PIKFYVE: variants seen among roughly 807,000 people sequenced by gnomAD.
The protein encoded by PIKFYVE is 1-phosphatidylinositol 3-phosphate 5-kinase.
A neutral mutation model predicts 257.9 loss-of-function variants in PIKFYVE; 122 were observed. The ratio of observed to expected loss-of-function variants is 0.47; its 90% CI spans 0.41 to 0.55. The LOEUF (loss-of-function observed/expected upper bound fraction) is 0.55. Ranked by LOEUF, PIKFYVE falls within the 20% of genes least tolerant of loss-of-function variation. PIKFYVE has a pLI of 0.00. For synonymous variants in PIKFYVE, 892 were observed against 868.9 expected, an observed-to-expected ratio of 1.03 and a Z score of -0.47; for missense variants, 2,160 against 2,536.6, an observed-to-expected ratio of 0.85 and a Z score of 3.19.
intron 1 of PIKFYVE, among the ~76,000 whole-genome samples, chr2:208,270,334 G>A (rs1035788938): frequency 2.0e-5 from 3 of 152,134 alleles, no homozygotes; most frequent in African/African-American, 7.2e-5. Flanking sequence ...GAGCCACCGT[G>A]CCTGGACCAG....
chr2:208,346,323 C>T (rs553650852), intron 34 of PIKFYVE, among the ~76,000 whole-genome samples, 176 bp downstream of exon 34: 3 of 152,084 alleles, frequency 2.0e-5, no homozygotes, highest in South Asian at 4.1e-4. Context: ...TGCTTTTCTT[C>T]GTTGATTCTT....
At chr2:208,349,863 G>A (rs2125802248) in intron 35 of PIKFYVE, among the ~76,000 whole-genome samples, 161 bp from the exon 36 acceptor site, 1 of 152,244 alleles carries the variant, frequency 6.6e-6, no homozygotes, top group Middle Eastern at 3.4e-3. Context: ...CATTTAGACA[G>A]TTTAATTGTA....
At chr2:208,339,162 G>A (rs1374799325) in intron 29 of PIKFYVE, among the ~76,000 whole-genome samples, 1 of 152,154 alleles carries the variant, frequency 6.6e-6, no homozygotes, top group African/African-American at 2.4e-5. Context: ...ATAATGGATA[G>A]CGTGTTGGAT....
intron 3 of PIKFYVE, among the ~76,000 whole-genome samples, chr2:208,275,796 G>A (rs1350811510): frequency 6.6e-6 from 1 of 152,168 alleles, no homozygotes; most frequent in African/African-American, 2.4e-5. Flanking sequence ...TAGGTTATCA[G>A]TTTGATGGGT....
At position 208,276,771 on chromosome 2, in the gene PIKFYVE, C is replaced by T. The variant is rs1690162656; in HGVS notation, c.382C>T (p.Leu128Phe). ...TCATGACCCTCGTACAGCTGTTCAG[C>T]TTCGAAGCCTCAGCACAGTATTAAA... Reference protein sequence around the residue: ...GGHDPRTAVQLRSLSTVLKRL... With the variant: ...GGHDPRTAVQFRSLSTVLKRL... Residue 128 changes from leucine (L) to phenylalanine (F), a missense_variant, in exon 4 of 42, where the codon CTT becomes TTT. By Grantham distance (22) the Leu-to-Phe change is conservative. This residue lies in a region of PIKFYVE where 172 missense variants were observed against 180.6 expected (regional missense o/e 0.95). Coordinates refer to ENST00000264380, the MANE Select transcript of PIKFYVE (RefSeq NM_015040.4). The T allele has an allele frequency of 6.2e-7, 1 of 1,613,674 alleles. No individual in the cohort carries two copies. The highest frequency in any genetic ancestry group is 8.5e-7 in the Non-Finnish European group (1 of 1,179,694).
At chr2:208,305,234 A>G in intron 12 of PIKFYVE, 1 of 1,426,044 alleles carries the variant, frequency 7.0e-7, no homozygotes, top group South Asian at 1.4e-5. Context: ...CACCATGCCC[A>G]GTGTAAAGCT....
At chr2:208,330,437 T>C (rs1353997654) in intron 22 of PIKFYVE, 86 bp from the exon 23 acceptor site, 13 of 1,487,566 alleles carry the variant, frequency 8.7e-6, no homozygotes, top group Non-Finnish European at 8.4e-6. Flanking sequence ...CTTGTGCAGA[T>C]TGTTCACTAG....
chr2:208,326,528 G>T lies in PIKFYVE; in HGVS notation c.3618+99G>T, dbSNP rs998773951. On this transcript the variant is annotated intron_variant, in intron 20 of 41. Coordinates refer to ENST00000264380, the MANE Select transcript of PIKFYVE (RefSeq NM_015040.4). ...AAATCAGTTTGGCAGACTGCATGCA[G>T]ATTTGTGAAATATTTCTTCTCCTAT... The T allele has an allele frequency of 3.7e-5, 47 of 1,287,594 alleles. 1 individual carries two copies. Among genetic ancestry groups the T allele is most frequent in the Middle Eastern group, 2.4e-4 (1 of 4,146 alleles). The allele number at this position is 1,287,594 out of a possible 1,614,324, so 79.8% of individuals were successfully genotyped here.
intron 31 of PIKFYVE, among the ~76,000 whole-genome samples, chr2:208,341,003 TTTTTTTA>T (rs1698646940): frequency 6.6e-6 from 1 of 152,076 alleles, no homozygotes; most frequent in African/African-American, 2.4e-5. Flanking sequence ...TTTATTTTTA[TTTTTTTA>T]ATTTTTATTA....
chr2:208,320,397 T>A, intron 17 of PIKFYVE, 38 bp downstream of exon 17: 1 of 1,604,158 alleles, frequency 6.2e-7, no homozygotes, highest in Non-Finnish European at 8.5e-7. Flanking sequence ...TTTAGAGGGA[T>A]GTTTGTGTAC....
At chr2:208,328,380 G>C in intron 21 of PIKFYVE, 100 bp downstream of exon 21, 1 of 1,383,524 alleles carries the variant, frequency 7.2e-7, no homozygotes, top group Non-Finnish European at 1.0e-6. Context: ...CCTGTATTTA[G>C]GTACACAGCA....
At chr2:208,291,295 T>A (rs1259585738) in intron 7 of PIKFYVE, among the ~76,000 whole-genome samples, 2 of 152,178 alleles carry the variant, frequency 1.3e-5, no homozygotes, top group African/African-American at 4.8e-5. Flanking sequence ...TGATGGGTTA[T>A]ATTAATTGAT....
chr2:208,306,308 A>C (rs972882739), intron 12 of PIKFYVE, among the ~76,000 whole-genome samples: 1 of 152,250 alleles, frequency 6.6e-6, no homozygotes, highest in Non-Finnish European at 1.5e-5. Flanking sequence ...AGGGAAAAGC[A>C]GATATGACAC....
intron 36 of PIKFYVE, among the ~76,000 whole-genome samples, chr2:208,350,515 CTT>C (rs773068355): frequency 1.3e-5 from 2 of 151,546 alleles, no homozygotes; most frequent in Non-Finnish European, 2.9e-5. Flanking sequence ...AGAACTGAGT[CTT>C]TTTTTTATGT....
intron 7 of PIKFYVE, among the ~76,000 whole-genome samples, chr2:208,295,903 G>A (rs1559073901): frequency 1.3e-5 from 2 of 152,150 alleles, no homozygotes; most frequent in Non-Finnish European, 2.9e-5. Context: ...TTGCAAAATG[G>A]TGATTTTTCT....
At position 208,330,721 on chromosome 2, in the gene PIKFYVE, G is replaced by A. The variant is rs779895178; in HGVS notation, c.3963+27G>A. The A allele has an allele frequency of 4.6e-5, 73 of 1,590,214 alleles. 2 individuals carry two copies. The Middle Eastern group carries it at 5.3e-4, about 11-fold the overall frequency. On this transcript the variant is annotated intron_variant, in intron 23 of 41. Coordinates refer to ENST00000264380, the MANE Select transcript of PIKFYVE (RefSeq NM_015040.4). Reference sequence around the variant, plus strand: ...TAAATAGACCCTATTACTATATTTTGTTTGCCATTTATTTCTTTATTTGTA... The same window carrying A: ...TAAATAGACCCTATTACTATATTTTATTTGCCATTTATTTCTTTATTTGTA...
intron 16 of PIKFYVE, among the ~76,000 whole-genome samples, chr2:208,319,188 A>G (rs755346047): frequency 1.3e-5 from 2 of 152,212 alleles, no homozygotes; most frequent in Non-Finnish European, 2.9e-5. Context: ...GATGAACTCT[A>G]GTCTTGTTTT....
At chr2:208,317,756 A>T in intron 15 of PIKFYVE, 111 bp from the exon 16 acceptor site, 2 of 1,038,504 alleles carry the variant, frequency 1.9e-6, no homozygotes, top group Non-Finnish European at 1.5e-6. Flanking sequence ...TTTTGTTCTT[A>T]TTTGATTACA....
chr2:208,337,041 G>T, intron 28 of PIKFYVE, 113 bp downstream of exon 28: 3 of 784,512 alleles, frequency 3.8e-6, no homozygotes, highest in South Asian at 1.6e-5. Flanking sequence ...TATCCAGTAG[G>T]GTTTTCCATT....
Sources: allele counts gnomAD v4.1 joint callset (sites outside exome capture counted in the v4.1 genomes callset), GRCh38; gene constraint gnomAD v4.1.1; regional missense constraint gnomAD v4.1.1; transcripts MANE v1.5; gene names NCBI Gene and HGNC (gene_info 2026-07-23, HGNC 2026-07-21).